ADAMTS2: variants seen among roughly 807,000 people sequenced by gnomAD.
ADAMTS2 encodes A disintegrin and metalloproteinase with thrombospondin motifs 2.
In ADAMTS2, 50 loss-of-function variants were observed where a neutral mutation model predicts 123.0. The ratio of observed to expected loss-of-function variants is 0.41; its 90% CI spans 0.32 to 0.51. The LOEUF is 0.51. ADAMTS2 is among the 20% of genes least tolerant of loss of function. The pLI, the probability that ADAMTS2 is intolerant of heterozygous loss-of-function variation, is 0.35. For missense variants in ADAMTS2, 1,494 were observed against 1,705.2 expected (o/e 0.88, Z 2.18); for synonymous variants, 678 against 695.4 (o/e 0.98, Z 0.39).
Position 179,225,629 on chromosome 5 carries a change from C to T in ADAMTS2, c.689-17914G>A, listed in dbSNP as rs180741871. 9.9e-5 allele frequency among the ~76,000 whole-genome samples: 15 copies of T among 152,266 alleles called. No homozygotes were observed. The highest frequency in any genetic ancestry group is 1.9e-4 in the African/African-American group (8 of 41,540). Reference sequence around the variant, plus strand: ...AGGAACGCACCAACGAGCACCAGCACGCTGCAGGCCACCGACCGGCAGAAG... The same window carrying T: ...AGGAACGCACCAACGAGCACCAGCATGCTGCAGGCCACCGACCGGCAGAAG... On this transcript the variant is annotated intron_variant, in intron 3 of 21. Transcript: ENST00000251582. This position sits in a 1 kb window ranked among gnomAD's most constrained non-coding sequence, Gnocchi z 4.5.
chr5:179,244,489 A>G (rs1765738553), intron 3 of ADAMTS2, among the ~76,000 whole-genome samples: 1 of 152,254 alleles, frequency 6.6e-6, no homozygotes, highest in African/African-American at 2.4e-5. Context: ...GACCCATTTT[A>G]TCAGACATAC....
intron 4 of ADAMTS2, among the ~76,000 whole-genome samples, chr5:179,194,097 C>A (rs1764364914): frequency 1.3e-5 from 2 of 152,334 alleles, no homozygotes; most frequent in South Asian, 4.1e-4. Flanking sequence ...TTCTGACAAC[C>A]ATCAGTTCCC....
chr5:179,279,543 G>A (rs1766834323), intron 2 of ADAMTS2, among the ~76,000 whole-genome samples: 1 of 152,250 alleles, frequency 6.6e-6, no homozygotes, highest in African/African-American at 2.4e-5. Context: ...GTCTCACAGG[G>A]AGAGCTGCAC....
chr5:179,154,009 G>A (rs1763417087), intron 8 of ADAMTS2, 40 bp downstream of exon 8: 2 of 1,577,158 alleles, frequency 1.3e-6, no homozygotes, highest in Middle Eastern at 1.9e-4. Flanking sequence ...TGACCCCAGG[G>A]ACTGAGGGGT....
At chr5:179,278,647 A>G (rs461539) in intron 2 of ADAMTS2, among the ~76,000 whole-genome samples, 150,531 of 152,048 alleles carry the variant, frequency 0.99, 74,531 homozygotes, top group Middle Eastern at 1. Context: ...TGTGAGTCCC[A>G]CTCTGCTCTT....
chr5:179,114,419 G>C (rs1209279998), intron 21 of ADAMTS2, 95 bp from the exon 22 acceptor site: 1 of 1,281,002 alleles, frequency 7.8e-7, no homozygotes, highest in East Asian at 2.5e-5. Flanking sequence ...GCATATGGAA[G>C]AGCCCAGAGA....
chr5:179,210,977 G>A (rs1184552214), intron 3 of ADAMTS2, among the ~76,000 whole-genome samples: 1 of 152,202 alleles, frequency 6.6e-6, no homozygotes, highest in African/African-American at 2.4e-5. Flanking sequence ...CCCAAATAGA[G>A]CCTTGCTATA....
chr5:179,288,925 C>T (rs1756105111), intron 2 of ADAMTS2, among the ~76,000 whole-genome samples: 2 of 152,354 alleles, frequency 1.3e-5, no homozygotes, highest in African/African-American at 2.4e-5. Flanking sequence ...CAGCACGGCA[C>T]GGCATCCATA....
intron 3 of ADAMTS2, among the ~76,000 whole-genome samples, chr5:179,237,177 C>G (rs147754973): frequency 1.3e-5 from 2 of 152,202 alleles, no homozygotes; most frequent in South Asian, 2.1e-4. Flanking sequence ...GCAGGAGGAT[C>G]GCTTGATCCC....
At chr5:179,224,237 G>A (rs993531697) in intron 3 of ADAMTS2, among the ~76,000 whole-genome samples, 3 of 152,262 alleles carry the variant, frequency 2.0e-5, no homozygotes, top group Non-Finnish European at 2.9e-5. Flanking sequence ...CGCTACCACC[G>A]TCTTCTCCTC....
chr5:179,186,843 C>T (rs1477994732), intron 4 of ADAMTS2, among the ~76,000 whole-genome samples: 1 of 137,766 alleles, frequency 7.3e-6, no homozygotes, highest in Admixed American at 7.1e-5. Flanking sequence ...CCTCCCCACC[C>T]CCCCACCCAC....
chr5:179,192,567 T>C (rs1166768501), intron 4 of ADAMTS2, among the ~76,000 whole-genome samples: 1 of 152,186 alleles, frequency 6.6e-6, no homozygotes, highest in African/African-American at 2.4e-5. Flanking sequence ...GGCCGAATTA[T>C]TGGAAGCACA....
rs976067168 is a variant in ADAMTS2 at position 179,197,202 on chromosome 5, A to C, written c.891+10311T>G. Among the ~76,000 whole-genome samples the C allele has an allele frequency of 6.6e-6, 1 of 152,224 alleles. No individual in the cohort carries two copies. The highest frequency in any genetic ancestry group is 1.5e-5 in the Non-Finnish European group (1 of 68,036). ...CTGCAGGCTGGGTATCACCCACTGCAATGGTCTGCCTCCTGTCTACAAGGA... is the reference window on the plus strand; with the variant it reads ...CTGCAGGCTGGGTATCACCCACTGCCATGGTCTGCCTCCTGTCTACAAGGA... On this transcript the variant is annotated intron_variant, in intron 4 of 21. Coordinates refer to ENST00000251582, the MANE Select transcript of ADAMTS2 (RefSeq NM_014244.5). This position sits in a 1 kb window ranked among gnomAD's most constrained non-coding sequence, Gnocchi z 4.2.
chr5:179,257,131 G>A (rs1415264787), intron 3 of ADAMTS2, among the ~76,000 whole-genome samples: 3 of 152,320 alleles, frequency 2.0e-5, no homozygotes, highest in African/African-American at 4.8e-5. Context: ...AAAGGTGGCC[G>A]AGGTGGTTCC....
intron 2 of ADAMTS2, among the ~76,000 whole-genome samples, chr5:179,336,281 G>T (rs1757609641): frequency 6.6e-6 from 1 of 152,230 alleles, no homozygotes; most frequent in Non-Finnish European, 1.5e-5. Flanking sequence ...AGGTCAAAAA[G>T]TTAGGGTGCA....
chr5:179,135,781 G>T, intron 13 of ADAMTS2, 128 bp downstream of exon 13: 2 of 1,406,874 alleles, frequency 1.4e-6, no homozygotes, highest in Non-Finnish European at 9.7e-7. Flanking sequence ...CCTGGTCCGG[G>T]CATTGTTTCT....
chr5:179,298,635 G>C (rs532407587), intron 2 of ADAMTS2, among the ~76,000 whole-genome samples: 1 of 152,226 alleles, frequency 6.6e-6, no homozygotes, highest in Non-Finnish European at 1.5e-5. Flanking sequence ...CGTGGCAGGA[G>C]GGGTGTGGAC....
intron 2 of ADAMTS2, among the ~76,000 whole-genome samples, chr5:179,291,269 C>A (rs1283053984): frequency 6.6e-6 from 1 of 152,226 alleles, no homozygotes; most frequent in Non-Finnish European, 1.5e-5. Flanking sequence ...GGGGCCACCT[C>A]CGGGCTCTGG....
intron 3 of ADAMTS2, among the ~76,000 whole-genome samples, chr5:179,246,036 C>G (rs140758688): frequency 8.3e-4 from 127 of 152,210 alleles, no homozygotes; most frequent in African/African-American, 2.9e-3. Flanking sequence ...AACCAGAAAC[C>G]TACAACAACC....
Sources: gnomAD v4.1 joint callset for allele counts (sites outside exome capture counted in the v4.1 genomes callset) on GRCh38, gnomAD v4.1.1 for gene constraint, Gnocchi (gnomAD v3.1) non-coding constraint, MANE v1.5 for transcripts, NCBI Gene and HGNC (gene_info 2026-07-23, HGNC 2026-07-21) for gene names.